Variants in HK2 observed in about 807,000 individuals in gnomAD.
HK2 encodes the protein hexokinase-2.
A neutral mutation model predicts 92.9 loss-of-function variants in HK2; 42 were observed. The observed-to-expected ratio is 0.45, with a 90% confidence interval of 0.35 to 0.58. The LOEUF (loss-of-function observed/expected upper bound fraction) is 0.58, where lower values mean the gene tolerates loss of function less well. Ranked by LOEUF, HK2 falls within the 20% of genes least tolerant of loss-of-function variation. The pLI is 0.00. For missense variants in HK2, 978 were observed against 1,245.1 expected, an observed-to-expected ratio of 0.79 and a Z score of 3.23; for synonymous variants, 422 against 468.0, an observed-to-expected ratio of 0.90 and a Z score of 1.27.
chr2:74,877,059 T>C, intron 7 of HK2, 107 bp from the exon 8 acceptor site: 1 of 1,449,290 alleles, frequency 6.9e-7, no homozygotes, highest in East Asian at 2.3e-5. Context: ...CTGCACACAT[T>C]AACCCTTAGT....
intron 7 of HK2, among the ~76,000 whole-genome samples, chr2:74,876,290 C>T (rs934518910): frequency 6.6e-6 from 1 of 152,184 alleles, no homozygotes; most frequent in Admixed American, 6.5e-5. Context: ...TCCTGGGCCT[C>T]CTCCTCGCTG....
intron 1 of HK2, among the ~76,000 whole-genome samples, chr2:74,839,227 T>TAG (rs1403466163): frequency 6.6e-6 from 1 of 152,102 alleles, no homozygotes; most frequent in African/African-American, 2.4e-5. Context: ...TTCAGTTGTC[T>TAG]AGAGAGATAT....
At chr2:74,848,795 G>A (rs1688500490) in intron 1 of HK2, among the ~76,000 whole-genome samples, 1 of 152,254 alleles carries the variant, frequency 6.6e-6, no homozygotes, top group Non-Finnish European at 1.5e-5. Flanking sequence ...GGTGGGCTCA[G>A]GATCCAGGCA....
At chr2:74,845,483 G>A (rs1558788193) in intron 1 of HK2, among the ~76,000 whole-genome samples, 1 of 152,256 alleles carries the variant, frequency 6.6e-6, no homozygotes, top group Non-Finnish European at 1.5e-5. Context: ...CCCTGGACAG[G>A]TGCTGCTGCC....
chr2:74,838,337 G>A (rs965628086), intron 1 of HK2, among the ~76,000 whole-genome samples: 1 of 152,116 alleles, frequency 6.6e-6, no homozygotes, highest in Non-Finnish European at 1.5e-5. Context: ...GGGCCAGCTA[G>A]TCTTAGGCTA....
chr2:74,855,042 G>A (rs1314153448), intron 2 of HK2, among the ~76,000 whole-genome samples: 2 of 152,170 alleles, frequency 1.3e-5, no homozygotes, highest in Admixed American at 6.5e-5. Context: ...TGTTGCCCAG[G>A]CTGGCGTGCA....
rs1689682217 is a variant in HK2, at chr2:74,891,655, T to TG, written c.*718dup. ...ATGTTATCCACAAGCAATGGACCTT[T>TG]GGGGAAGGGGGAGTTTTTAGTTTGT... On this transcript the variant is annotated 3_prime_UTR_variant, in exon 18 of 18. Transcript: ENST00000290573. 1.3e-5 allele frequency: 2 copies of TG among 152,304 alleles called. No individual in the cohort carries two copies. The highest frequency in any genetic ancestry group is 4.1e-4 in the South Asian group (2 of 4,822). 9.4% of individuals were successfully genotyped at this position (152,304 alleles called of 1,614,324 possible).
intron 7 of HK2, 130 bp from the exon 8 acceptor site, chr2:74,877,036 C>G: frequency 7.9e-7 from 1 of 1,257,974 alleles, no homozygotes; most frequent in Non-Finnish European, 1.1e-6. Flanking sequence ...ACGTATCTTA[C>G]TCCTGGGCCG....
chr2:74,882,048 T>C, intron 11 of HK2, 72 bp from the exon 12 acceptor site: 1 of 1,493,262 alleles, frequency 6.7e-7, no homozygotes, highest in Non-Finnish European at 9.3e-7. Flanking sequence ...ATTGATGTTG[T>C]GCGCAGGCCC....
In HK2 at chr2:74,880,277, T is replaced by C. The variant is rs1689348985; in HGVS notation, c.1278T>C (p.Arg426=). The change falls in exon 10 of 18, where the codon CGT becomes CGC. Residue 426 remains arginine (R), a synonymous_variant. Coordinates refer to ENST00000290573, the MANE Select transcript of HK2 (RefSeq NM_000189.5). ...VYKKHPHFAK[R]LHKTVRRLVP... Reference sequence around the variant, plus strand: ...TGGGGAACTGCAGTTTTGCCAAGCGTCTACATAAGACCGTGCGGCGGCTGG... The same window carrying C: ...TGGGGAACTGCAGTTTTGCCAAGCGCCTACATAAGACCGTGCGGCGGCTGG... The C allele has an allele frequency of 1.2e-6, 2 of 1,614,022 alleles. No individual in the cohort carries two copies. Among genetic ancestry groups the C allele is most frequent in the Non-Finnish European group, 1.7e-6 (2 of 1,180,040 alleles).
intron 2 of HK2, among the ~76,000 whole-genome samples, chr2:74,865,968 G>T (rs1169049325): frequency 1.3e-5 from 2 of 152,124 alleles, no homozygotes; most frequent in East Asian, 3.8e-4. Flanking sequence ...TTTTAGAGAT[G>T]AAGCAGCTGA....
intron 7 of HK2, 102 bp downstream of exon 7, chr2:74,874,551 C>G: frequency 8.7e-7 from 1 of 1,154,094 alleles, no homozygotes; most frequent in Non-Finnish European, 1.2e-6. Context: ...CTTACATCCC[C>G]AAAGCTTGCC....
intron 1 of HK2, among the ~76,000 whole-genome samples, chr2:74,848,564 A>G (rs1317542792): frequency 6.6e-6 from 1 of 152,206 alleles, no homozygotes. Context: ...TGGGGTTGCA[A>G]CAGTAGTCAG....
intron 1 of HK2, among the ~76,000 whole-genome samples, chr2:74,845,682 G>A (rs572723801): frequency 2.6e-5 from 4 of 152,240 alleles, no homozygotes; most frequent in Non-Finnish European, 5.9e-5. Flanking sequence ...ATTGGCCTGA[G>A]GTGGCATGGC....
intron 2 of HK2, among the ~76,000 whole-genome samples, chr2:74,861,870 G>A (rs1183689968): frequency 6.6e-6 from 1 of 152,188 alleles, no homozygotes; most frequent in Non-Finnish European, 1.5e-5. Context: ...TGGCAAGATC[G>A]TTTGGTTATA....
chr2:74,870,450 A>G (rs1217122798), intron 3 of HK2, among the ~76,000 whole-genome samples: 1 of 151,836 alleles, frequency 6.6e-6, no homozygotes. Flanking sequence ...GAAAGCAGTG[A>G]TCAGAGCTGG....
intron 9 of HK2, 115 bp downstream of exon 9, chr2:74,879,036 C>A: frequency 1.1e-6 from 1 of 883,458 alleles, no homozygotes; most frequent in Non-Finnish European, 1.9e-6. Flanking sequence ...GACCATAGAG[C>A]TGAGGGTCTT....
rs1234417274 is a variant in HK2, at chr2:74,878,703, C to G, written c.1047C>G (p.Ile349Met). 8 of 1,605,950 alleles carry G rather than the reference C, an allele frequency of 5.0e-6. No individual in the cohort carries two copies. In the African/African-American group the frequency reaches 1.1e-4, roughly 21 times the overall value. ...ISDIEGEKDGIRKAREVLMRL... is the reference protein window; with the variant it reads ...ISDIEGEKDGMRKAREVLMRL... ...TGTTTCCCAGGGAGAAGGATGGCAT[C>G]CGGAAGGCCCGTGAGGTCCTGATGC... The change falls in exon 9 of 18, where the codon ATC (isoleucine) becomes ATG (methionine). Residue 349 changes from isoleucine to methionine, a missense_variant. Around this residue, in one of 3 missense-constraint regions of HK2, gnomAD observed 742 missense variants for 922.5 expected, o/e 0.80. Transcript: ENST00000290573.
intron 2 of HK2, among the ~76,000 whole-genome samples, chr2:74,854,708 G>C (rs374835486): frequency 6.6e-6 from 1 of 152,334 alleles, no homozygotes; most frequent in East Asian, 1.9e-4. Context: ...TTTTCTACCT[G>C]TGTGCTGAGA....
Sources: gnomAD v4.1 joint callset for allele counts (sites outside exome capture counted in the v4.1 genomes callset) on GRCh38, gnomAD v4.1.1 for gene constraint, gnomAD v4.1.1 regional missense constraint, MANE v1.5 for transcripts, NCBI Gene and HGNC (gene_info 2026-07-23, HGNC 2026-07-21) for gene names.